FAT2: variants seen among roughly 807,000 people sequenced by gnomAD.
FAT2 encodes the protein protocadherin Fat 2.
FAT2 carries 150 observed loss-of-function variants against 295.3 expected under a neutral mutation model. The ratio of observed to expected loss-of-function variants is 0.51; its 90% CI spans 0.44 to 0.58. The LOEUF is 0.58. Ranked by LOEUF, FAT2 falls within the 20% of genes least tolerant of loss-of-function variation. The pLI, the probability that FAT2 is intolerant of heterozygous loss-of-function variation, is 0.00. For missense variants in FAT2, 4,868 were observed against 5,442.7 expected (o/e 0.89, Z 3.32); for synonymous variants, 2,026 against 2,150.3 (o/e 0.94, Z 1.60).
intron 3 of FAT2, among the ~76,000 whole-genome samples, chr5:151,561,180 G>A (rs1172173521): frequency 6.6e-6 from 1 of 152,210 alleles, no homozygotes; most frequent in African/African-American, 2.4e-5. Context: ...TGAAAGAAGA[G>A]CGGGAATTGA....
chr5:151,522,227 GA>G (rs5872209), intron 18 of FAT2, 141 bp from the exon 19 acceptor site: 40 of 537,826 alleles, frequency 7.4e-5, no homozygotes, highest in African/African-American at 1.3e-4. Context: ...GTTGCATTTA[GA>G]AAAAAAAAAC....
At chr5:151,535,938 T>C (rs1448561589) in intron 12 of FAT2, among the ~76,000 whole-genome samples, 4 of 152,086 alleles carry the variant, frequency 2.6e-5, no homozygotes, top group Non-Finnish European at 5.9e-5. Context: ...AAAACCTGGT[T>C]TGAGAGAGGT....
In FAT2 at chr5:151,543,246, C is replaced by G; in HGVS notation, c.7881G>C (p.Glu2627Asp). 6.2e-7 allele frequency: 1 copy of G among 1,614,152 alleles called. No homozygotes were observed. The highest frequency in any genetic ancestry group is 8.5e-7 in the Non-Finnish European group (1 of 1,180,022). Residue 2627 changes from glutamate to aspartate, a missense_variant, in exon 10 of 24, where the codon GAG becomes GAC. This residue lies in a region of FAT2 where 3,297 missense variants were observed against 3,669.4 expected (regional missense o/e 0.90). Coordinates refer to ENST00000261800, the MANE Select transcript of FAT2 (RefSeq NM_001447.3). ...TTTCAATGACATCTTTAACTAGGTC[C>G]TCTGGGTTCACTGAGTAGGTGACAT... ...NADVTYSVNP[E>D]DLVKDVIEIN...
Position 151,565,887 on chromosome 5 carries a change from A to C in FAT2, c.3045T>G (p.His1015Gln), listed in dbSNP as rs370592223. The change falls in exon 2 of 24, where the codon CAT (histidine) becomes CAG (glutamine). Residue 1015 changes from histidine (H) to glutamine (Q), a missense_variant. Physicochemically the swap from His to Gln is conservative, Grantham distance 24 (BLOSUM62 0). Coordinates refer to ENST00000261800, the MANE Select transcript of FAT2 (RefSeq NM_001447.3). Reference protein sequence around the residue: ...GRPLARRTLCHVEVIVLDVNE... With the variant: ...GRPLARRTLCQVEVIVLDVNE... ...TCACATCCAGGACGATCACCTCCAC[A>C]TGGCAGAGAGTCCTGCGGGCTAGGG... 1 of 1,613,814 alleles carries C rather than the reference A, an allele frequency of 6.2e-7. No individual in the cohort carries two copies. The highest frequency in any genetic ancestry group is 8.5e-7 in the Non-Finnish European group (1 of 1,180,000).
In FAT2 at chr5:151,544,799, C is replaced by T. The variant is rs1367843686; in HGVS notation, c.6328G>A (p.Ala2110Thr). The T allele has an allele frequency of 6.8e-6, 11 of 1,614,090 alleles. No homozygotes were observed. Among genetic ancestry groups the T allele is most frequent in the Non-Finnish European group, 9.3e-6 (11 of 1,180,050 alleles). The change falls in exon 10 of 24, where the codon GCA becomes ACA. Residue 2110 changes from alanine (A) to threonine (T), a missense_variant. Coordinates refer to ENST00000261800, the MANE Select transcript of FAT2 (RefSeq NM_001447.3). ...ATTCGGAAATATGTGTAATCTTCTG[C>T]AAATTCATATGTAACAGCCCCATTT... ...GTNGAVTYEF[A>T]EDYTYFRIDP...
chr5:151,514,739 C>T (rs1364295244), intron 20 of FAT2, among the ~76,000 whole-genome samples: 1 of 152,182 alleles, frequency 6.6e-6, no homozygotes, highest in Non-Finnish European at 1.5e-5. Context: ...CTACTGAAAT[C>T]ATCAGATGGG....
At chr5:151,516,289 C>T (rs1046038103) in intron 20 of FAT2, among the ~76,000 whole-genome samples, 18 of 152,166 alleles carry the variant, frequency 1.2e-4, no homozygotes, top group Non-Finnish European at 2.1e-4. Flanking sequence ...GTGGGTGGAT[C>T]GCTTGAGGCC....
At chr5:151,516,474 C>T (rs1037889367) in intron 20 of FAT2, among the ~76,000 whole-genome samples, 2 of 152,176 alleles carry the variant, frequency 1.3e-5, no homozygotes, top group East Asian at 1.9e-4. Context: ...TGAGATCATG[C>T]CACTGCCCTC....
intron 14 of FAT2, among the ~76,000 whole-genome samples, chr5:151,530,556 A>C (rs1021715603): frequency 2.0e-5 from 3 of 152,254 alleles, no homozygotes; most frequent in Non-Finnish European, 2.9e-5. Flanking sequence ...GACACTTAAA[A>C]TCTTGCATAT....
rs779895859 is a variant in FAT2, at chr5:151,563,607, C to T, written c.3292G>A (p.Glu1098Lys). 1 of 1,614,038 alleles carries T rather than the reference C, an allele frequency of 6.2e-7. No homozygotes were observed. Among genetic ancestry groups the T allele is most frequent in the African/African-American group, 1.3e-5 (1 of 74,926 alleles). ...MIQTLAPLDR[E>K]FASYYWLTVL... ...GTCAACCAGTAGTAAGATGCAAATT[C>T]TCGGTCCAGGGGTGCCAGAGTCTGA... The change falls in exon 3 of 24, where the codon GAA (glutamate) becomes AAA (lysine). Residue 1098 changes from glutamate (E) to lysine (K), a missense_variant. By Grantham distance (56) the Glu-to-Lys change is moderately conservative. Transcript: ENST00000261800.
In FAT2 at chr5:151,544,764, A is replaced by G. The variant is rs904160755; in HGVS notation, c.6363T>C (p.Tyr2121=). The G allele has an allele frequency of 2.5e-6, 4 of 1,614,060 alleles. No homozygotes were observed. In the East Asian group the frequency reaches 8.9e-5, roughly 36 times the overall value. ...EDYTYFRIDP[Y]LGDISLKKPF... ...GTTTCTTGAGTGATATGTCCCCAAG[A>G]TAGGGGTCAATTCGGAAATATGTGT... Residue 2121 remains tyrosine (Y), a synonymous_variant, in exon 10 of 24, where the codon TAT becomes TAC. Coordinates refer to ENST00000261800, the MANE Select transcript of FAT2 (RefSeq NM_001447.3).
chr5:151,533,396 ACACAC>A (rs1561837161), intron 13 of FAT2, among the ~76,000 whole-genome samples: 8 of 70,202 alleles, frequency 1.1e-4, no homozygotes, highest in East Asian at 5.0e-4. Context: ...TATCTCCAAC[ACACAC>A]ACACACACAC....
intron 2 of FAT2, among the ~76,000 whole-genome samples, chr5:151,565,215 T>G (rs1758192384): frequency 6.6e-6 from 1 of 152,292 alleles, no homozygotes; most frequent in East Asian, 1.9e-4. Flanking sequence ...CTTGATATTA[T>G]ATGACATGAA....
intron 22 of FAT2, among the ~76,000 whole-genome samples, chr5:151,508,354 C>T (rs1032623577): frequency 6.6e-6 from 1 of 152,234 alleles, no homozygotes; most frequent in Non-Finnish European, 1.5e-5. Context: ...CCCAACACAT[C>T]TCGTGAACGA....
intron 1 of FAT2, among the ~76,000 whole-genome samples, chr5:151,582,394 G>T (rs941325007): frequency 6.6e-6 from 1 of 152,200 alleles, no homozygotes; most frequent in Non-Finnish European, 1.5e-5. Context: ...CCGGTGGATT[G>T]AACTGGTGAT....
chr5:151,517,814 G>A lies in FAT2; in HGVS notation c.11318-49C>T, dbSNP rs143783478. ...ACCTCTACTTGAAGTGGTCCCCATT[G>A]AGCCCTTGGACTGACTTTGTCTTAT... is the stretch of plus-strand genomic sequence containing the variant. On this transcript the variant is annotated intron_variant, in intron 19 of 23. Coordinates refer to ENST00000261800, the MANE Select transcript of FAT2 (RefSeq NM_001447.3). The A allele has an allele frequency of 1.9e-6, 3 of 1,606,546 alleles. No homozygotes were observed. In the East Asian group the frequency reaches 6.7e-5, roughly 36 times the overall value.
intron 1 of FAT2, among the ~76,000 whole-genome samples, chr5:151,572,902 G>A (rs892494715): frequency 9.2e-5 from 14 of 152,202 alleles, no homozygotes; most frequent in African/African-American, 3.1e-4. Flanking sequence ...TGTCTGGGGT[G>A]GGGCCTCATG....
intron 12 of FAT2, among the ~76,000 whole-genome samples, chr5:151,535,574 T>C (rs1755183626): frequency 6.6e-6 from 1 of 152,210 alleles, no homozygotes; most frequent in South Asian, 2.1e-4. Context: ...CCTGTATCCT[T>C]TGCAGTATCC....
intron 1 of FAT2, among the ~76,000 whole-genome samples, chr5:151,586,997 C>T (rs951271500): frequency 1.2e-4 from 19 of 152,050 alleles, no homozygotes; most frequent in African/African-American, 4.6e-4. Context: ...CAAAAATTAG[C>T]TGGGTGTGAT....
Sources: allele counts gnomAD v4.1 joint callset (sites outside exome capture counted in the v4.1 genomes callset), GRCh38; gene constraint gnomAD v4.1.1; regional missense constraint gnomAD v4.1.1; transcripts MANE v1.5; gene names NCBI Gene and HGNC (gene_info 2026-07-23, HGNC 2026-07-21).